ADH6: variants seen among roughly 807,000 people sequenced by gnomAD.
ADH6 encodes alcohol dehydrogenase 6 (class V).
A neutral mutation model predicts 36.5 loss-of-function variants in ADH6; 34 were observed. That is an observed-to-expected ratio of 0.93 (90% CI 0.71 to 1.24). ADH6 has a LOEUF of 1.24. Among genes scored for constraint, ADH6 ranks in the 50% most tolerant of loss-of-function variants. The probability of loss-of-function intolerance (pLI) is 0.00; values close to 1 mark genes in which losing one functional copy is unlikely to be tolerated. For synonymous variants in ADH6, 161 were observed against 155.5 expected (o/e 1.04, Z -0.26); for missense variants, 440 against 447.0 (o/e 0.98, Z 0.14).
chr4:99,213,767 T>C lies in ADH6; in HGVS notation c.121-20A>G. On this transcript the variant is annotated intron_variant, in intron 2 of 8. Coordinates refer to ENST00000394899, the MANE Select transcript of ADH6 (RefSeq NM_001102470.2). ...CACAACCTGTATGGAAGGCAAAGGG[T>C]ACTGCAGTTCCCGCTGTTTCAGATA... 1 of 1,571,628 alleles carries C rather than the reference T, an allele frequency of 6.4e-7. No individual in the cohort carries two copies. The highest frequency in any genetic ancestry group is 8.6e-7 in the Non-Finnish European group (1 of 1,161,618).
chr4:99,207,336 G>T, intron 7 of ADH6, 110 bp downstream of exon 7: 2 of 1,414,468 alleles, frequency 1.4e-6, no homozygotes, highest in Non-Finnish European at 1.9e-6. Context: ...AAAAAAATCT[G>T]TAATATAAAG....
In ADH6 at chr4:99,216,166, T is replaced by G. The variant is rs1194119744; in HGVS notation, c.115A>C (p.Ile39Leu). The change falls in exon 2 of 9, where the codon ATA (isoleucine) becomes CTA (leucine). Residue 39 changes from isoleucine (I) to leucine (L), a missense_variant. Physicochemically the swap from Ile to Leu is conservative, Grantham distance 5. Transcript: ENST00000394899. The stretch of plus-strand genomic sequence containing the variant: ...TTTTTTTTTTTTTTTTTTACCTTTA[T>G]GCGAACTTCCTTTGCCTTTGGTGGG... ...VAPPKAKEVR[I>L]KVVATGLCGT... The G allele has an allele frequency of 2.8e-6, 4 of 1,417,872 alleles. No homozygotes were observed. The highest frequency in any genetic ancestry group is 1.5e-5 in the African/African-American group (1 of 67,134). 87.8% of individuals were successfully genotyped at this position (1,417,872 alleles called of 1,614,324 possible). A position where few individuals can be genotyped will look rare whatever the true frequency, so the allele number is the denominator to read the frequency against.
rs1461990837 is a variant in ADH6, at chr4:99,210,402, A to G, written c.350+13T>C. On this transcript the variant is annotated intron_variant, in intron 4 of 8. Transcript: ENST00000394899. The stretch of plus-strand genomic sequence containing the variant: ...ATTAAGTTTTCAAAAAGAAAATATT[A>G]GTAAAAACTTACTTGAATTGTATAC... 6.2e-7 allele frequency: 1 copy of G among 1,600,766 alleles called. No homozygotes were observed. The highest frequency in any genetic ancestry group is 1.3e-5 in the African/African-American group (1 of 74,510).
At chr4:99,211,462 C>T (rs189818160) in intron 3 of ADH6, among the ~76,000 whole-genome samples, 1 of 152,120 alleles carries the variant, frequency 6.6e-6, no homozygotes, top group Admixed American at 6.6e-5. Context: ...TTTCTCTACA[C>T]CCCAACACTA....
intron 4 of ADH6, 21 bp from the exon 5 acceptor site, chr4:99,210,319 A>C (rs1731179444): frequency 1.2e-6 from 2 of 1,607,264 alleles, no homozygotes; most frequent in Non-Finnish European, 1.7e-6. Flanking sequence ...CAAAACAAAA[A>C]ACAAAACACA....
rs563808435 is a variant in ADH6, at chr4:99,206,507, A to G, written c.964+939T>C. 4.6e-5 allele frequency among the ~76,000 whole-genome samples: 7 copies of G among 152,186 alleles called. No individual in the cohort carries two copies. The South Asian group carries it at 1.4e-3, about 32-fold the overall frequency. On this transcript the variant is annotated intron_variant, in intron 7 of 8. Transcript: ENST00000394899. ...GCAATGGATGTATTCAATGATCTTA[A>G]ATAGAAGAACTGAAATTACAGTTCT...
chr4:99,203,313 C>T lies in ADH6; in HGVS notation c.*906G>A, dbSNP rs1289722902. The T allele has an allele frequency of 6.6e-6, 1 of 151,998 alleles. No homozygotes were observed. The highest frequency in any genetic ancestry group is 1.5e-5 in the Non-Finnish European group (1 of 68,048). 9.4% of individuals were successfully genotyped at this position (151,998 alleles called of 1,614,324 possible). On this transcript the variant is annotated 3_prime_UTR_variant, in exon 9 of 9. Transcript: ENST00000394899. ...GTCATATCCCAAGAGGGCACTTAACCTTAGTCCTAATTCTAGGAGAACTAA... is the reference window on the plus strand; with the variant it reads ...GTCATATCCCAAGAGGGCACTTAACTTTAGTCCTAATTCTAGGAGAACTAA...
At position 99,202,865 on chromosome 4, in the gene ADH6, G is replaced by T; in HGVS notation, c.*1354C>A. ...GCTCCAGCTCAGACTTGGGAAGATG[G>T]AGAAGAGCCATCCCAAGTCCAGAGT... is the stretch of plus-strand genomic sequence containing the variant. On this transcript the variant is annotated 3_prime_UTR_variant, in exon 9 of 9. Transcript: ENST00000394899. 2.5e-6 allele frequency: 1 copy of T among 397,526 alleles called. No individual in the cohort carries two copies. The highest frequency in any genetic ancestry group is 4.4e-6 in the Non-Finnish European group (1 of 225,272). The allele number at this position is 397,526 out of a possible 1,614,324, so 24.6% of individuals were successfully genotyped here.
intron 7 of ADH6, among the ~76,000 whole-genome samples, chr4:99,205,615 A>G (rs1731003176): frequency 6.6e-6 from 1 of 152,106 alleles, no homozygotes; most frequent in African/African-American, 2.4e-5. Context: ...TAAGAATTGA[A>G]CAAGCAAAGA....
rs750527687 is a variant in ADH6 at position 99,207,446 on chromosome 4, C to T, written c.964G>A (p.Gly322Ser). 3 of 1,612,912 alleles carry T rather than the reference C, an allele frequency of 1.9e-6. No homozygotes were observed. Among genetic ancestry groups the T allele is most frequent in the Non-Finnish European group, 2.5e-6 (3 of 1,179,320 alleles). ...CCACCTTTCCCTGCTTCATCCATAC[C>T]TCCAAAAACAGAACCCTTCAAAGAA... ...GRSLKGSVFG[G>S]WKSRQHIPKL... is the part of the protein sequence containing the mutation. The change falls in exon 7 of 9, where the codon GGC (glycine) becomes AGC (serine). Residue 322 changes from glycine to serine, a missense_variant and splice_region_variant. Physicochemically the swap from Gly to Ser is moderately conservative, Grantham distance 56 (BLOSUM62 0). Transcript: ENST00000394899.
At chr4:99,204,489 G>GT (rs1730950277) in intron 8 of ADH6, 1 of 1,305,028 alleles carries the variant, frequency 7.7e-7, no homozygotes, top group Non-Finnish European at 9.7e-7. Context: ...GCTGGTTTCT[G>GT]TTTTTTGGGT....
intron 4 of ADH6, 55 bp from the exon 5 acceptor site, chr4:99,210,353 T>A: frequency 1.3e-6 from 2 of 1,598,008 alleles, no homozygotes; most frequent in Non-Finnish European, 8.6e-7. Flanking sequence ...ATTAGAAAGC[T>A]TAGATCTTCT....
intron 3 of ADH6, among the ~76,000 whole-genome samples, chr4:99,212,911 T>A (rs28720147): frequency 0.053 from 8,073 of 152,044 alleles, 656 homozygotes; most frequent in African/African-American, 0.18. Flanking sequence ...TTTTACATTG[T>A]CAAATTTATC....
chr4:99,217,874 T>C (rs1731506296), intron 1 of ADH6, among the ~76,000 whole-genome samples: 1 of 151,996 alleles, frequency 6.6e-6, no homozygotes, highest in Non-Finnish European at 1.5e-5. Context: ...GGTGGAAGGG[T>C]GAGTTATGGA....
In ADH6 at chr4:99,208,915, G is replaced by T; in HGVS notation, c.581C>A (p.Ser194Tyr). Residue 194 changes from serine (S) to tyrosine (Y), a missense_variant, in exon 6 of 9, where the codon TCT (serine) becomes TAT (tyrosine). Physicochemically the swap from Ser to Tyr is moderately radical, Grantham distance 144 (BLOSUM62 -2). Transcript: ENST00000394899. ...TCCCAGGCCAAACACAGCACAGGTA[G>T]AACCTGGAGTCACCTAAACACATAC... ...AINTAKVTPG[S>Y]TCAVFGLGGV... 1 of 1,613,104 alleles carries T rather than the reference G, an allele frequency of 6.2e-7. No individual in the cohort carries two copies.
intron 1 of ADH6, among the ~76,000 whole-genome samples, chr4:99,218,383 T>G (rs1731524027): frequency 6.6e-6 from 1 of 152,204 alleles, no homozygotes; most frequent in African/African-American, 2.4e-5. Flanking sequence ...TCTCCACTGC[T>G]GCTAGTACTA....
chr4:99,217,048 GT>G (rs1560810158), intron 1 of ADH6, among the ~76,000 whole-genome samples: 6 of 151,848 alleles, frequency 4.0e-5, no homozygotes, highest in African/African-American at 1.5e-4. Context: ...TTTTGTTTTT[GT>G]TTTTGAGATG....
intron 2 of ADH6, among the ~76,000 whole-genome samples, chr4:99,214,145 T>TCTCA (rs1731320189): frequency 6.6e-6 from 1 of 152,084 alleles, no homozygotes; most frequent in African/African-American, 2.4e-5. Flanking sequence ...AATCCCAGCA[T>TCTCA]CTCAGGAGGC....
intron 3 of ADH6, among the ~76,000 whole-genome samples, chr4:99,212,767 CAT>C (rs1731269387): frequency 6.6e-6 from 1 of 151,304 alleles, no homozygotes; most frequent in Non-Finnish European, 1.5e-5. Context: ...TTAAATTAGA[CAT>C]GTATTTTGTT....
Sources: allele counts gnomAD v4.1 joint callset (sites outside exome capture counted in the v4.1 genomes callset), GRCh38; gene constraint gnomAD v4.1.1; transcripts MANE v1.5; gene names NCBI Gene and HGNC (gene_info 2026-07-23, HGNC 2026-07-21).